ESRRG: variants seen among roughly 807,000 people sequenced by gnomAD.
The protein encoded by ESRRG is estrogen-related receptor gamma.
A neutral mutation model predicts 44.0 loss-of-function variants in ESRRG; 13 were observed. The ratio of observed to expected loss-of-function variants is 0.30; its 90% CI spans 0.19 to 0.47. ESRRG has a LOEUF of 0.47. ESRRG is among the 20% of genes least tolerant of loss of function. ESRRG has a pLI of 1.00. For missense variants in ESRRG, 395 were observed against 580.6 expected (o/e 0.68, Z 3.29); for synonymous variants, 215 against 214.6 (o/e 1.00, Z -0.02).
At chr1:216,769,620 G>A (rs997121395) in intron 2 of ESRRG, among the ~76,000 whole-genome samples, 1 of 152,016 alleles carries the variant, frequency 6.6e-6, no homozygotes, top group Non-Finnish European at 1.5e-5. Flanking sequence ...TCAAGAAACA[G>A]TTATAAGTTT....
rs34094121 is a variant in ESRRG at position 216,965,160 on chromosome 1, CT to C, written c.-105-25488del. On this transcript the variant is annotated intron_variant, in intron 1 of 7. Transcript: ENST00000359162. ...TGCAACCGAAAAGTTACACATATGC[CT>C]TTTTTTTTTTCCTACTTCTTGACTC... is the stretch of plus-strand genomic sequence containing the variant. Among the ~76,000 whole-genome samples, 934 of 147,868 alleles carry C rather than the reference CT, an allele frequency of 6.3e-3. 29 individuals carry two copies. Among genetic ancestry groups the C allele is most frequent in the Admixed American group, 0.053 (783 of 14,886 alleles).
intron 2 of ESRRG, among the ~76,000 whole-genome samples, chr1:216,852,801 C>G (rs1231822688): frequency 6.6e-6 from 1 of 152,140 alleles, no homozygotes; most frequent in African/African-American, 2.4e-5. Context: ...TAGGACTCAT[C>G]CTACCTTATC....
intron 5 of ESRRG, among the ~76,000 whole-genome samples, chr1:216,553,648 A>G (rs2056911069): frequency 6.6e-6 from 1 of 152,172 alleles, no homozygotes; most frequent in Non-Finnish European, 1.5e-5. Context: ...GGGTTTATTC[A>G]TTATATTTCT....
chr1:216,978,947 G>A (rs1247464078), intron 1 of ESRRG, among the ~76,000 whole-genome samples: 1 of 152,098 alleles, frequency 6.6e-6, no homozygotes, highest in Non-Finnish European at 1.5e-5. Flanking sequence ...AAGCCACAGT[G>A]ACCATGTGCA....
At chr1:216,584,552 G>A (rs917465083) in intron 3 of ESRRG, among the ~76,000 whole-genome samples, 5 of 152,020 alleles carry the variant, frequency 3.3e-5, no homozygotes, top group South Asian at 2.1e-4. Context: ...AACTGTGCCC[G>A]GCCCAAAACT....
intron 3 of ESRRG, among the ~76,000 whole-genome samples, chr1:216,574,424 A>G (rs2061344759): frequency 6.6e-6 from 1 of 152,152 alleles, no homozygotes; most frequent in Admixed American, 6.5e-5. Context: ...AGGTCAGCTA[A>G]TTTTGAGACT....
chr1:216,851,100 C>A (rs2095836279), intron 2 of ESRRG, among the ~76,000 whole-genome samples: 1 of 150,800 alleles, frequency 6.6e-6, no homozygotes, highest in Non-Finnish European at 1.5e-5. Context: ...ACATTCTATA[C>A]TACCTATCAG....
chr1:216,895,500 A>AT (rs935063695), intron 2 of ESRRG, among the ~76,000 whole-genome samples: 5 of 152,188 alleles, frequency 3.3e-5, no homozygotes, highest in Admixed American at 6.5e-5. Context: ...CTCTTTGAGA[A>AT]TTTTTTCTTC....
intron 3 of ESRRG, among the ~76,000 whole-genome samples, chr1:216,641,705 A>T (rs917797443): frequency 1.3e-5 from 2 of 152,260 alleles, no homozygotes; most frequent in Non-Finnish European, 2.9e-5. Context: ...ACCCCTAAAT[A>T]GAGTTCCCAG....
chr1:216,600,200 C>T (rs2150131624), intron 3 of ESRRG, among the ~76,000 whole-genome samples: 1 of 152,216 alleles, frequency 6.6e-6, no homozygotes, highest in South Asian at 2.1e-4. Context: ...GGAAGGGTGA[C>T]TAGGCAGAGC....
chr1:216,946,127 C>T (rs766761521), intron 1 of ESRRG, among the ~76,000 whole-genome samples: 8 of 152,128 alleles, frequency 5.3e-5, no homozygotes, highest in Admixed American at 1.3e-4. Flanking sequence ...TAGCAATTGA[C>T]GTAAAATAAA....
At chr1:217,113,361 C>A (rs2092681100) in intron 1 of ESRRG, among the ~76,000 whole-genome samples, 1 of 152,162 alleles carries the variant, frequency 6.6e-6, no homozygotes, top group Non-Finnish European at 1.5e-5. Flanking sequence ...GTGTGTCTCC[C>A]ATCCCACCTC....
intron 2 of ESRRG, among the ~76,000 whole-genome samples, chr1:216,879,156 A>C (rs2096403142): frequency 6.6e-6 from 1 of 152,162 alleles, no homozygotes; most frequent in Admixed American, 6.5e-5. Context: ...CATTTATGTA[A>C]TTCTTTAGCA....
chr1:216,607,926 C>G lies in ESRRG; in HGVS notation c.590-39828G>C, dbSNP rs538591321. Among the ~76,000 whole-genome samples the G allele has an allele frequency of 4.6e-5, 7 of 152,296 alleles. No individual in the cohort carries two copies. The South Asian group carries it at 1.4e-3, about 32-fold the overall frequency. On this transcript the variant is annotated intron_variant, in intron 3 of 6. Transcript: ENST00000408911. ...AATTAAACGTCCCAAAGCATTATTT[C>G]TCCTAGATCACAATTTTACTCTGTT...
intron 2 of ESRRG, among the ~76,000 whole-genome samples, chr1:216,852,706 G>A (rs377450495): frequency 2.6e-5 from 4 of 152,154 alleles, no homozygotes; most frequent in African/African-American, 9.7e-5. Flanking sequence ...AAAAACAGTT[G>A]AATAATCTGA....
At chr1:217,094,520 A>G (rs1316535877), upstream of ESRRG, among the ~76,000 whole-genome samples, 1 of 152,168 alleles carries the variant, frequency 6.6e-6, no homozygotes, top group Non-Finnish European at 1.5e-5. Flanking sequence ...TGACTTTCTC[A>G]TCAGGTTTTT....
Position 217,071,322 on chromosome 1 carries a change from G to A in ESRRG, c.-106+18185C>T, listed in dbSNP as rs149073742. Among the ~76,000 whole-genome samples the A allele has an allele frequency of 1.4e-3, 216 of 152,168 alleles. 1 individual carries two copies. The highest frequency in any genetic ancestry group is 2.1e-3 in the Non-Finnish European group (146 of 68,012). On this transcript the variant is annotated intron_variant, in intron 1 of 7. Coordinates refer to the ESRRG transcript ENST00000359162. The stretch of plus-strand genomic sequence containing the variant: ...CCCTGCAAATTTTCTCTAACTTAAT[G>A]AAGCAATATGTATATATGTAGGGAA...
Position 216,938,825 on chromosome 1 carries a change from G to A in ESRRG, c.-14+757C>T, listed in dbSNP as rs182403018. Among the ~76,000 whole-genome samples the A allele has an allele frequency of 1.4e-4, 21 of 152,274 alleles. No individual in the cohort carries two copies. In the East Asian group the frequency reaches 3.9e-3, roughly 28 times the overall value. ...TCCTGAGTTACAAACCCATGTGAGGGTATGATGAATGCACAGACACTCTCC... is the reference window on the plus strand; with the variant it reads ...TCCTGAGTTACAAACCCATGTGAGGATATGATGAATGCACAGACACTCTCC... On this transcript the variant is annotated intron_variant, in intron 2 of 7. Coordinates refer to the ESRRG transcript ENST00000359162.
chr1:217,018,255 T>C (rs929637237), intron 1 of ESRRG, among the ~76,000 whole-genome samples: 1 of 152,084 alleles, frequency 6.6e-6, no homozygotes, highest in Non-Finnish European at 1.5e-5. Flanking sequence ...CTTTTAATAC[T>C]CTCCAGTCTC....
Sources: gnomAD v4.1 joint callset for allele counts (sites outside exome capture counted in the v4.1 genomes callset) on GRCh38, gnomAD v4.1.1 for gene constraint, MANE v1.5 for transcripts, NCBI Gene and HGNC (gene_info 2026-07-23, HGNC 2026-07-21) for gene names.